The following ADGRV1 variants were observed in gnomAD, a reference collection of about 807,000 sequenced individuals.
The protein encoded by ADGRV1 is adhesion G protein-coupled receptor V1, also known as G-protein coupled receptor 98.
A neutral mutation model predicts 596.2 loss-of-function variants in ADGRV1; 359 were observed. The ratio of observed to expected loss-of-function variants is 0.60; its 90% CI spans 0.55 to 0.66. The LOEUF (loss-of-function observed/expected upper bound fraction) is 0.66, where lower values mean the gene tolerates loss of function less well. Ranked by LOEUF, ADGRV1 falls within the 30% of genes least tolerant of loss-of-function variation. The probability of loss-of-function intolerance (pLI) is 0.00; values close to 1 mark genes in which losing one functional copy is unlikely to be tolerated. For missense variants in ADGRV1, 7,274 were observed against 7,575.6 expected, an observed-to-expected ratio of 0.96 and a Z score of 1.48; for synonymous variants, 2,681 against 2,679.2, an observed-to-expected ratio of 1.00 and a Z score of -0.02.
At position 90,750,823 on chromosome 5, in the gene ADGRV1, T is replaced by C; in HGVS notation, c.11121+126T>C. ...CATATCAACACTGAATTCCTACTAA[T>C]CATTGTAGAGAGGGATACAATTTAA... On this transcript the variant is annotated intron_variant, in intron 53 of 89. Transcript: ENST00000405460. 4 of 662,984 alleles carry C rather than the reference T, an allele frequency of 6.0e-6. No homozygotes were observed. The South Asian group carries it at 1.1e-4, about 18-fold the overall frequency. The allele number at this position is 662,984 out of a possible 1,614,324, so 41.1% of individuals were successfully genotyped here.
At chr5:90,673,808 T>C (rs1180213770) in intron 22 of ADGRV1, among the ~76,000 whole-genome samples, 1 of 152,176 alleles carries the variant, frequency 6.6e-6, no homozygotes, top group African/African-American at 2.4e-5. Flanking sequence ...GGATAAGACA[T>C]TCAGACTATA....
chr5:90,790,775 T>A lies in ADGRV1; in HGVS notation c.14044-98T>A, dbSNP rs184826267. On this transcript the variant is annotated intron_variant, in intron 69 of 89. Coordinates refer to ENST00000405460, the MANE Select transcript of ADGRV1 (RefSeq NM_032119.4). ...TGAATATAGTGATGCACAATTATAT[T>A]TTTTTTTTGTATATTATAGAGAAAA... 4.2e-3 allele frequency: 2,841 copies of A among 682,476 alleles called. 44 individuals carry two copies. In the African/African-American group the frequency reaches 0.05, roughly 12 times the overall value. 42.3% of individuals were successfully genotyped at this position (682,476 alleles called of 1,614,324 possible).
At chr5:90,956,463 G>T (rs1308234158) in intron 83 of ADGRV1, among the ~76,000 whole-genome samples, 1 of 152,128 alleles carries the variant, frequency 6.6e-6, no homozygotes. Context: ...TCTATGTAAA[G>T]AATTTAATTA....
chr5:90,680,842 T>G (rs765460665), intron 26 of ADGRV1, among the ~76,000 whole-genome samples: 4 of 152,204 alleles, frequency 2.6e-5, no homozygotes, highest in East Asian at 1.9e-4. Context: ...TCAGGAGAGA[T>G]AGATTTATAG....
chr5:90,789,960 A>C, intron 69 of ADGRV1, 109 bp downstream of exon 69: 4 of 718,334 alleles, frequency 5.6e-6, no homozygotes, highest in Non-Finnish European at 7.9e-6. Flanking sequence ...GATAAACTAA[A>C]GTTACGTGAG....
chr5:91,020,239 A>C (rs1299005401), intron 85 of ADGRV1, among the ~76,000 whole-genome samples: 1 of 151,922 alleles, frequency 6.6e-6, no homozygotes, highest in Non-Finnish European at 1.5e-5. Context: ...CCTTGATCCC[A>C]AAGAGTAGGG....
chr5:91,104,098 AT>A (rs979945120), intron 87 of ADGRV1, among the ~76,000 whole-genome samples: 4 of 151,302 alleles, frequency 2.6e-5, no homozygotes, highest in African/African-American at 4.9e-5. Flanking sequence ...TTGTCAATTA[AT>A]TTTTTTTTCA....
intron 76 of ADGRV1, among the ~76,000 whole-genome samples, chr5:90,826,106 G>A (rs946047278): frequency 1.3e-5 from 2 of 152,160 alleles, no homozygotes; most frequent in African/African-American, 4.8e-5. Context: ...TTTTCAAAAA[G>A]TACTATGAAC....
chr5:91,009,707 AAATT>A (rs1189619205), intron 85 of ADGRV1, among the ~76,000 whole-genome samples: 6 of 152,080 alleles, frequency 3.9e-5, no homozygotes, highest in East Asian at 1.9e-4. Context: ...AGCTAAAGAG[AAATT>A]AATTAGTCAT....
chr5:91,031,348 C>G, intron 85 of ADGRV1: 2 of 1,261,310 alleles, frequency 1.6e-6, no homozygotes, highest in South Asian at 1.2e-5. Flanking sequence ...CCACTCCAAT[C>G]TATCTCATCC....
At chr5:90,910,573 AT>A (rs1273891205) in intron 83 of ADGRV1, among the ~76,000 whole-genome samples, 5 of 80,152 alleles carry the variant, frequency 6.2e-5, no homozygotes, top group African/African-American at 1.8e-4. Flanking sequence ...CTATCTATCT[AT>A]CTATCTATCT....
chr5:90,856,793 C>T (rs977650723), intron 82 of ADGRV1, among the ~76,000 whole-genome samples: 2 of 152,116 alleles, frequency 1.3e-5, no homozygotes, highest in African/African-American at 4.8e-5. Context: ...TTTTCCCACC[C>T]ATGATATTTG....
At chr5:90,650,568 T>C (rs1249190802) in intron 17 of ADGRV1, among the ~76,000 whole-genome samples, 1 of 152,224 alleles carries the variant, frequency 6.6e-6, no homozygotes, top group African/African-American at 2.4e-5. Context: ...GTAGGTGTTG[T>C]ATACATCTGT....
Position 90,653,276 on chromosome 5 carries a change from C to T in ADGRV1, c.3702C>T (p.Phe1234=), listed in dbSNP as rs1254267629. The T allele has an allele frequency of 6.2e-7, 1 of 1,613,872 alleles. No homozygotes were observed. Among genetic ancestry groups the T allele is most frequent in the South Asian group, 1.1e-5 (1 of 91,054 alleles). ...TCCAGGTGACAGTAATGGTTCCATT[C>T]AATGATGATCCCTTTGGAGTTTTTA... ...TNLQVTVMVP[F]NDDPFGVFIL... is the part of the protein sequence containing the mutation. The change falls in exon 20 of 90, where the codon TTC becomes TTT. Residue 1234 remains phenylalanine, a synonymous_variant. Coordinates refer to ENST00000405460, the MANE Select transcript of ADGRV1 (RefSeq NM_032119.4).
chr5:90,669,507 A>G (rs568710906), intron 21 of ADGRV1, among the ~76,000 whole-genome samples: 1 of 152,364 alleles, frequency 6.6e-6, no homozygotes, highest in South Asian at 2.1e-4. Flanking sequence ...AATGTTGTAC[A>G]CATTAAATAT....
chr5:90,606,806 T>G (rs1762162068), intron 1 of ADGRV1, among the ~76,000 whole-genome samples: 1 of 152,202 alleles, frequency 6.6e-6, no homozygotes, highest in Non-Finnish European at 1.5e-5. Flanking sequence ...TATATCATCC[T>G]GGGATTTCCT....
intron 83 of ADGRV1, among the ~76,000 whole-genome samples, chr5:90,960,137 C>CAAAAAAA: frequency 9.6e-6 from 1 of 103,988 alleles, no homozygotes; most frequent in African/African-American, 3.6e-5. Flanking sequence ...AGACTCATCT[C>CAAAAAAA]AAAAAAAAAA....
chr5:90,772,467 G>A (rs1294465172), intron 59 of ADGRV1, among the ~76,000 whole-genome samples: 2 of 152,118 alleles, frequency 1.3e-5, no homozygotes, highest in Non-Finnish European at 1.5e-5. Flanking sequence ...CTGAAATATG[G>A]CGTTCCTAAG....
chr5:90,826,856 T>G lies in ADGRV1; in HGVS notation c.16369-2088T>G, dbSNP rs1286908808. On this transcript the variant is annotated intron_variant, in intron 76 of 89. Transcript: ENST00000405460. ...TCATCTCTACAGTTTTTCAATACTT[T>G]CACTTTTGAATTATGAAGAATTTAA... Among the ~76,000 whole-genome samples, 3 of 152,182 alleles carry G rather than the reference T, an allele frequency of 2.0e-5. No homozygotes were observed. In the East Asian group the frequency reaches 5.8e-4, roughly 29 times the overall value.
Sources: allele counts gnomAD v4.1 joint callset (sites outside exome capture counted in the v4.1 genomes callset), GRCh38; gene constraint gnomAD v4.1.1; transcripts MANE v1.5; gene names NCBI Gene and HGNC (gene_info 2026-07-23, HGNC 2026-07-21).